Variants in TENM2 observed in about 807,000 individuals in gnomAD.
TENM2 encodes the protein teneurin transmembrane protein 2.
Under a neutral mutation model 245.2 loss-of-function variants are expected in TENM2, and 52 were observed. The ratio of observed to expected loss-of-function variants is 0.21; its 90% CI spans 0.17 to 0.27. The LOEUF is 0.27. Among genes scored for constraint, TENM2 ranks in the 10% least tolerant of loss-of-function variants. TENM2 has a pLI of 1.00. For synonymous variants in TENM2, 1,363 were observed against 1,438.9 expected, an observed-to-expected ratio of 0.95 and a Z score of 1.19; for missense variants, 3,046 against 3,666.8, an observed-to-expected ratio of 0.83 and a Z score of 4.37.
intron 2 of TENM2, among the ~76,000 whole-genome samples, chr5:167,515,652 CAT>C (rs1250314783): frequency 8.2e-6 from 1 of 121,816 alleles, no homozygotes; most frequent in East Asian, 2.6e-4. Flanking sequence ...TATATATACA[CAT>C]ATATACGTAT....
intron 2 of TENM2, among the ~76,000 whole-genome samples, chr5:167,532,062 C>G (rs1206762516): frequency 6.6e-6 from 1 of 152,024 alleles, no homozygotes; most frequent in African/African-American, 2.4e-5. Flanking sequence ...TCTGTGTGGC[C>G]TCATCTTTAA....
chr5:167,492,777 T>C (rs892465524), intron 2 of TENM2, among the ~76,000 whole-genome samples: 2 of 152,122 alleles, frequency 1.3e-5, no homozygotes, highest in Admixed American at 6.6e-5. Flanking sequence ...AGGTTACATG[T>C]ATCTTGTGCC....
At chr5:167,054,374 CT>C in the TENM2 span, among the ~76,000 whole-genome samples, 3 of 152,052 alleles carry the variant, frequency 2.0e-5, no homozygotes, top group Non-Finnish European at 4.4e-5. Context: ...TAGTTCATTT[CT>C]TTTTAGTGCT....
At chr5:167,769,896 C>G (rs534018769) in intron 2 of TENM2, among the ~76,000 whole-genome samples, 1 of 151,750 alleles carries the variant, frequency 6.6e-6, no homozygotes, top group African/African-American at 2.4e-5. Flanking sequence ...GGGTCTAAAC[C>G]TGAAGTTTGC....
chr5:168,237,346 A>C (rs560378810), intron 25 of TENM2, among the ~76,000 whole-genome samples: 1 of 151,912 alleles, frequency 6.6e-6, no homozygotes, highest in African/African-American at 2.4e-5. Context: ...CTGATTTTCC[A>C]CGTTGGAACT....
chr5:167,965,914 G>C (rs2151903881), intron 4 of TENM2, among the ~76,000 whole-genome samples: 1 of 152,258 alleles, frequency 6.6e-6, no homozygotes, highest in South Asian at 2.1e-4. Flanking sequence ...AGGAAGGGCG[G>C]GGGCTGGAAA....
In TENM2 at chr5:168,247,240, G is replaced by T. The variant is rs775991295; in HGVS notation, c.6301G>T (p.Ala2101Ser). ...CTATCATGACAACAGCTTCCGCATC[G>T]CAAGCATCAAGCCCGTCATAAGTGA... The change falls in exon 27 of 29, where the codon GCA becomes TCA. Residue 2101 changes from alanine to serine, a missense_variant. Coordinates refer to ENST00000518659, the Ensembl canonical transcript of TENM2. This position sits in a 1 kb window ranked among gnomAD's most constrained non-coding sequence, Gnocchi z 7.8. 6.2e-7 allele frequency: 1 copy of T among 1,613,800 alleles called. No homozygotes were observed. Among genetic ancestry groups the T allele is most frequent in the Non-Finnish European group, 8.5e-7 (1 of 1,179,900 alleles).
intron 2 of TENM2, among the ~76,000 whole-genome samples, chr5:167,772,853 C>T (rs868464971): frequency 2.2e-4 from 34 of 152,160 alleles, no homozygotes; most frequent in Non-Finnish European, 4.0e-4. Flanking sequence ...ATATTTTACA[C>T]GGAAGGAGAC....
chr5:167,765,383 T>C (rs1024637052), intron 2 of TENM2, among the ~76,000 whole-genome samples: 1 of 152,046 alleles, frequency 6.6e-6, no homozygotes, highest in African/African-American at 2.4e-5. Flanking sequence ...CATCTATCCA[T>C]AACGAGGAAC....
chr5:167,931,433 G>T lies in TENM2; in HGVS notation c.713-21155G>T, dbSNP rs115481948. Among the ~76,000 whole-genome samples the T allele has an allele frequency of 8.2e-3, 1,246 of 151,774 alleles. 17 individuals are homozygous for T. Among genetic ancestry groups the T allele is most frequent in the African/African-American group, 0.028 (1,166 of 41,370 alleles). On this transcript the variant is annotated intron_variant, in intron 3 of 28. Coordinates refer to ENST00000518659, the Ensembl canonical transcript of TENM2. ...TCTCCTGATGGTATAGACTCAAAAG[G>T]CCTGTAAATTGGGCCATATAATAGT...
chr5:167,920,443 G>A (rs897025083), intron 3 of TENM2, among the ~76,000 whole-genome samples: 12 of 151,230 alleles, frequency 7.9e-5, no homozygotes, highest in Non-Finnish European at 1.5e-4. Flanking sequence ...GCTTGAACCC[G>A]GGAGGTGGAG....
intron 1 of TENM2, among the ~76,000 whole-genome samples, chr5:167,316,311 A>G (rs925278527): frequency 2.6e-5 from 4 of 152,198 alleles, no homozygotes; most frequent in Admixed American, 6.5e-5. Flanking sequence ...AAGATCACCA[A>G]TGGATAAATT....
intron 2 of TENM2, among the ~76,000 whole-genome samples, chr5:167,865,096 A>G (rs977797022): frequency 1.3e-5 from 2 of 152,180 alleles, no homozygotes; most frequent in African/African-American, 2.4e-5. Flanking sequence ...AAACAGCTCA[A>G]TGTATCTTCT....
chr5:167,302,092 G>C (rs528049476), intron 1 of TENM2, among the ~76,000 whole-genome samples: 2 of 152,264 alleles, frequency 1.3e-5, no homozygotes, highest in East Asian at 3.9e-4. Flanking sequence ...ATTGGGAACA[G>C]AGACTATGGA....
intron 3 of TENM2, among the ~76,000 whole-genome samples, chr5:167,945,454 T>G (rs1185141618): frequency 3.3e-5 from 5 of 152,154 alleles, no homozygotes; most frequent in Non-Finnish European, 5.9e-5. Context: ...GCTTTAAAGG[T>G]TATTGTAAGT....
the TENM2 span, among the ~76,000 whole-genome samples, chr5:167,139,097 A>G: frequency 6.6e-6 from 1 of 152,216 alleles, no homozygotes; most frequent in African/African-American, 2.4e-5. Context: ...AAAGACACAG[A>G]CTCATTTTCT....
chr5:167,946,791 G>A (rs1403439643), intron 3 of TENM2, among the ~76,000 whole-genome samples: 1 of 152,134 alleles, frequency 6.6e-6, no homozygotes, highest in Middle Eastern at 3.2e-3. Context: ...TCTGTGAAAT[G>A]GGCATGATAA....
chr5:167,987,328 C>A (rs1051598040), intron 4 of TENM2, among the ~76,000 whole-genome samples: 2 of 151,206 alleles, frequency 1.3e-5, no homozygotes, highest in African/African-American at 4.9e-5. Context: ...AGCTTCTTCG[C>A]TTCCTTTTTT....
chr5:168,055,976 T>A (rs1789511032), intron 6 of TENM2, among the ~76,000 whole-genome samples: 1 of 152,198 alleles, frequency 6.6e-6, no homozygotes, highest in African/African-American at 2.4e-5. Context: ...TAGCTAGGCA[T>A]TAGACATTTT....
Sources: allele counts gnomAD v4.1 joint callset (sites outside exome capture counted in the v4.1 genomes callset), GRCh38; gene constraint gnomAD v4.1.1; non-coding constraint Gnocchi (gnomAD v3.1); transcripts MANE v1.5; gene names NCBI Gene and HGNC (gene_info 2026-07-23, HGNC 2026-07-21).